Variants in SI observed in about 807,000 individuals in gnomAD.
SI encodes sucrase-isomaltase, intestinal.
Under a neutral mutation model 253.3 loss-of-function variants are expected in SI, and 235 were observed. That is an observed-to-expected ratio of 0.93 (90% CI 0.83 to 1.03). The LOEUF (loss-of-function observed/expected upper bound fraction) is 1.03, where lower values mean the gene tolerates loss of function less well. Ranked by LOEUF, SI falls within the 50% of genes least tolerant of loss-of-function variation. SI has a pLI of 0.00. For synonymous variants in SI, 819 were observed against 712.0 expected, an observed-to-expected ratio of 1.15 and a Z score of -2.39; for missense variants, 2,442 against 2,211.1, an observed-to-expected ratio of 1.10 and a Z score of -2.09.
At chr3:165,032,461 T>A (rs1712299466) in intron 24 of SI, 61 bp downstream of exon 24, 2 of 1,134,900 alleles carry the variant, frequency 1.8e-6, no homozygotes, top group East Asian at 5.1e-5. Context: ...GCCTGAATGG[T>A]TATATAATAT....
intron 16 of SI, among the ~76,000 whole-genome samples, chr3:165,045,411 G>A (rs1713049743): frequency 6.6e-6 from 1 of 151,884 alleles, no homozygotes; most frequent in Non-Finnish European, 1.5e-5. Context: ...TTAATTGGTT[G>A]CTATAATAAG....
rs1177605623 is a variant in SI, at chr3:165,044,776, C to A, written c.1888-1601G>T. On this transcript the variant is annotated intron_variant, in intron 16 of 47. Transcript: ENST00000264382. ...GTTGTAGTCAAATTTATGTATGTTT[C>A]TCTTAAGATTTATTCTCCTTGTATT... is the stretch of plus-strand genomic sequence containing the variant. Among the ~76,000 whole-genome samples the A allele has an allele frequency of 2.6e-5, 4 of 151,778 alleles. No homozygotes were observed. In the East Asian group the frequency reaches 7.7e-4, roughly 29 times the overall value.
At chr3:165,040,160 G>C (rs994749665) in intron 18 of SI, among the ~76,000 whole-genome samples, 189 bp from the exon 19 acceptor site, 1 of 151,514 alleles carries the variant, frequency 6.6e-6, no homozygotes, top group African/African-American at 2.4e-5. Flanking sequence ...GGAAGGAAGG[G>C]AGGAAGGGAA....
rs1409372217 is a variant in SI at position 165,058,822 on chromosome 3, A to G, written c.1398+141T>C. On this transcript the variant is annotated intron_variant, in intron 12 of 47. Coordinates refer to ENST00000264382, the MANE Select transcript of SI (RefSeq NM_001041.4). ...GTTTCTTTGTCTAATATTTTTCTCC[A>G]CAATTAAAATATAAAATTCAGACTT... 3 of 643,452 alleles carry G rather than the reference A, an allele frequency of 4.7e-6. No individual in the cohort carries two copies. In the African/African-American group the frequency reaches 5.6e-5, roughly 12 times the overall value. 39.9% of individuals were successfully genotyped at this position (643,452 alleles called of 1,614,324 possible). A position where few individuals can be genotyped will look rare whatever the true frequency, so the allele number is the denominator to read the frequency against.
intron 3 of SI, among the ~76,000 whole-genome samples, chr3:165,073,226 C>G (rs985602771): frequency 1.3e-5 from 1 of 75,204 alleles, no homozygotes; most frequent in African/African-American, 5.7e-5. Flanking sequence ...CTCTCTCTCT[C>G]TGTCTCTTTC....
In SI at chr3:165,067,262, G is replaced by A. The variant is rs1179138045; in HGVS notation, c.635+78C>T. Reference sequence around the variant, plus strand: ...TTTTGGGAGGAAATTTATTTCTACTGAAAATGTCTTGAAATTAAGACTTTC... The same window carrying A: ...TTTTGGGAGGAAATTTATTTCTACTAAAAATGTCTTGAAATTAAGACTTTC... On this transcript the variant is annotated intron_variant, in intron 6 of 47. Transcript: ENST00000264382. 2.7e-6 allele frequency: 3 copies of A among 1,108,574 alleles called. No individual in the cohort carries two copies. The African/African-American group carries it at 4.8e-5, about 18-fold the overall frequency. 68.7% of individuals were successfully genotyped at this position (1,108,574 alleles called of 1,614,324 possible). A position where few individuals can be genotyped will look rare whatever the true frequency, so the allele number is the denominator to read the frequency against.
At chr3:165,068,465 C>T (rs1156796748) in intron 5 of SI, among the ~76,000 whole-genome samples, 4 of 152,088 alleles carry the variant, frequency 2.6e-5, no homozygotes, top group Admixed American at 2.0e-4. Context: ...GCCCCAACTC[C>T]CGGGTTCTCG....
In SI at chr3:165,019,723, T is replaced by C; in HGVS notation, c.3302A>G (p.Gln1101Arg). 2 of 1,612,748 alleles carry C rather than the reference T, an allele frequency of 1.2e-6. No individual in the cohort carries two copies. The highest frequency in any genetic ancestry group is 1.7e-6 in the Non-Finnish European group (2 of 1,179,124). The change falls in exon 28 of 48, where the codon CAA (glutamine) becomes CGA (arginine). Residue 1101 changes from glutamine to arginine, a missense_variant. Physicochemically the swap from Gln to Arg is conservative, Grantham distance 43. Coordinates refer to ENST00000264382, the MANE Select transcript of SI (RefSeq NM_001041.4). ...PGFAFNDQFIQISTRLPSEYI... is the reference protein window; with the variant it reads ...PGFAFNDQFIRISTRLPSEYI... ...TTCTGATGGCAGGCGAGTCGATATTTGAATGAACTGGTCATTAAAAGCAAA... is the reference window on the plus strand; with the variant it reads ...TTCTGATGGCAGGCGAGTCGATATTCGAATGAACTGGTCATTAAAAGCAAA...
Position 165,023,250 on chromosome 3 carries a change from G to T in SI, c.3099+320C>A, listed in dbSNP as rs1003551069. On this transcript the variant is annotated intron_variant, in intron 26 of 47. Coordinates refer to ENST00000264382, the MANE Select transcript of SI (RefSeq NM_001041.4). ...TTAAGACCACAACTTAAAAATAATG[G>T]AAACAGTAGGCATCCAATTTTGTTT... 3.3e-5 allele frequency among the ~76,000 whole-genome samples: 5 copies of T among 151,422 alleles called. No homozygotes were observed. In the Admixed American group the frequency reaches 3.3e-4, roughly 10 times the overall value.
rs1718020545 is a variant in SI, at chr3:164,996,572, T to C, written c.4655A>G (p.Tyr1552Cys). 1 of 1,606,150 alleles carries C rather than the reference T, an allele frequency of 6.2e-7. No individual in the cohort carries two copies. Among genetic ancestry groups the C allele is most frequent in the Non-Finnish European group, 8.5e-7 (1 of 1,173,514 alleles). Residue 1552 changes from tyrosine (Y) to cysteine (C), a missense_variant, in exon 40 of 48, where the codon TAT becomes TGT. Tyr to Cys is a radical substitution (Grantham distance 194). Coordinates refer to ENST00000264382, the MANE Select transcript of SI (RefSeq NM_001041.4). Reference sequence around the variant, plus strand: ...AATGTTGTGATTCCTTGAGTATGGATAAAATGCTCCAAGTTGCATCCAGCG... The same window carrying C: ...AATGTTGTGATTCCTTGAGTATGGACAAAATGCTCCAAGTTGCATCCAGCG... Reference protein sequence around the residue: ...CTRWMQLGAFYPYSRNHNIAN... With the variant: ...CTRWMQLGAFCPYSRNHNIAN...
intron 37 of SI, 81 bp downstream of exon 37, chr3:165,006,735 C>T (rs1207298752): frequency 9.9e-6 from 12 of 1,216,554 alleles, no homozygotes; most frequent in Admixed American, 6.9e-5. Flanking sequence ...AGAAGATTGT[C>T]GGGACTGTTA....
intron 45 of SI, among the ~76,000 whole-genome samples, chr3:164,986,132 C>T (rs923496543): frequency 1.3e-5 from 2 of 152,104 alleles, no homozygotes; most frequent in Admixed American, 6.6e-5. Flanking sequence ...TGTAGAGGCA[C>T]CACTTGTACA....
rs766589550 is a variant in SI at position 165,041,106 on chromosome 3, A to T, written c.2005-12T>A. On this transcript the variant is annotated splice_polypyrimidine_tract_variant and intron_variant, in intron 17 of 47. Transcript: ENST00000264382. ...GCAGGATCCTGATGCTGTGAGATAGAAAGAGAAATTAAAATAAGAAAGCTA... is the reference window on the plus strand; with the variant it reads ...GCAGGATCCTGATGCTGTGAGATAGTAAGAGAAATTAAAATAAGAAAGCTA... 3.0e-5 allele frequency: 48 copies of T among 1,611,514 alleles called. No homozygotes were observed. The highest frequency in any genetic ancestry group is 3.8e-5 in the Non-Finnish European group (45 of 1,178,322).
At chr3:164,997,700 A>G (rs529056489) in intron 38 of SI, among the ~76,000 whole-genome samples, 1 of 151,764 alleles carries the variant, frequency 6.6e-6, no homozygotes, top group Admixed American at 6.6e-5. Context: ...GTCCATGTGT[A>G]CACAGTGTTT....
chr3:165,085,570 G>A, the SI span, among the ~76,000 whole-genome samples: 1 of 152,100 alleles, frequency 6.6e-6, no homozygotes, highest in Admixed American at 6.6e-5. Context: ...CACAGTGTGA[G>A]ATTTTTATGA....
intron 12 of SI, 102 bp downstream of exon 12, chr3:165,058,859 TAC>T (rs138742044): frequency 3.7e-3 from 2,371 of 637,928 alleles, no homozygotes; most frequent in Admixed American, 9.7e-3. Context: ...AAAGCAGACA[TAC>T]ACACACACAC....
chr3:165,080,690 G>T (rs1490123229), upstream of SI, among the ~76,000 whole-genome samples: 1 of 152,016 alleles, frequency 6.6e-6, no homozygotes, highest in Non-Finnish European at 1.5e-5. Context: ...CTCATAGGTG[G>T]AAATTGAACA....
At chr3:165,053,338 A>C (rs914000937) in intron 13 of SI, among the ~76,000 whole-genome samples, 1 of 152,256 alleles carries the variant, frequency 6.6e-6, no homozygotes, top group South Asian at 2.1e-4. Context: ...TTATAAAACT[A>C]TTTTTATACT....
intron 47 of SI, 141 bp downstream of exon 47, chr3:164,982,102 T>C (rs1413998173): frequency 1.6e-6 from 1 of 630,460 alleles, no homozygotes; most frequent in Non-Finnish European, 2.8e-6. Flanking sequence ...GAAATAAATA[T>C]GGAGGCCTAA....
Sources: allele counts gnomAD v4.1 joint callset (sites outside exome capture counted in the v4.1 genomes callset), GRCh38; gene constraint gnomAD v4.1.1; transcripts MANE v1.5; gene names NCBI Gene and HGNC (gene_info 2026-07-23, HGNC 2026-07-21).